NRXN3: variants seen among roughly 807,000 people sequenced by gnomAD.
NRXN3 encodes the protein neurexin III.
Under a neutral mutation model 137.6 loss-of-function variants are expected in NRXN3, and 32 were observed. That is an observed-to-expected ratio of 0.23 (90% confidence interval 0.18 to 0.31). The LOEUF is 0.31. Among genes scored for constraint, NRXN3 ranks in the 10% least tolerant of loss-of-function variants. The pLI, the probability that NRXN3 is intolerant of heterozygous loss-of-function variation, is 1.00. For missense variants in NRXN3, 1,574 were observed against 2,062.5 expected (o/e 0.76, Z 4.59); for synonymous variants, 798 against 784.5 (o/e 1.02, Z -0.29).
chr14:78,493,928 A>G (rs549743432), intron 4 of NRXN3, among the ~76,000 whole-genome samples: 46 of 152,320 alleles, frequency 3.0e-4, no homozygotes, highest in African/African-American at 9.6e-4. Flanking sequence ...ACACGCTGCA[A>G]TGATTTCTCA....
chr14:79,189,828 A>G (rs1403778641), intron 15 of NRXN3, among the ~76,000 whole-genome samples: 1 of 152,248 alleles, frequency 6.6e-6, no homozygotes, highest in Non-Finnish European at 1.5e-5. Context: ...CCTATTTCAC[A>G]GTAACAATAA....
chr14:78,815,427 C>T (rs557574707), intron 10 of NRXN3, among the ~76,000 whole-genome samples: 1 of 145,634 alleles, frequency 6.9e-6, no homozygotes, highest in East Asian at 2.1e-4. Flanking sequence ...CCCAAGACTA[C>T]TAGTGTTTGA....
At chr14:79,442,091 A>AG (rs1470377539) in intron 15 of NRXN3, among the ~76,000 whole-genome samples, 2 of 152,154 alleles carry the variant, frequency 1.3e-5, no homozygotes, top group Admixed American at 1.3e-4. Flanking sequence ...ATACTTCATT[A>AG]ATTATTTTTC....
chr14:78,394,364 G>T (rs2091177835), intron 4 of NRXN3, among the ~76,000 whole-genome samples: 1 of 151,884 alleles, frequency 6.6e-6, no homozygotes, highest in Non-Finnish European at 1.5e-5. Context: ...TGAAGAATGT[G>T]CTAGATTACA....
intron 10 of NRXN3, among the ~76,000 whole-genome samples, chr14:78,909,627 A>G (rs2099230848): frequency 1.3e-5 from 2 of 152,132 alleles, no homozygotes; most frequent in African/African-American, 4.8e-5. Flanking sequence ...TGTCTTAAAA[A>G]AATCTTTAAA....
At chr14:78,856,189 T>A (rs2099056622) in intron 10 of NRXN3, among the ~76,000 whole-genome samples, 1 of 152,224 alleles carries the variant, frequency 6.6e-6, no homozygotes, top group African/African-American at 2.4e-5. Flanking sequence ...AAAGTCATTT[T>A]TCCCCTTTGG....
intron 16 of NRXN3, among the ~76,000 whole-genome samples, chr14:79,657,098 C>A (rs1319119874): frequency 6.6e-6 from 1 of 151,882 alleles, no homozygotes; most frequent in Non-Finnish European, 1.5e-5. Context: ...TTTGTAGATA[C>A]CTTCAGAATT....
In NRXN3 at chr14:79,735,415, C is replaced by A. The variant is rs904741127; in HGVS notation, c.4014+37478C>A. On this transcript the variant is annotated intron_variant, in intron 19 of 20. Transcript: ENST00000335750. ...GCAAGTCATGGTTGAAGAGAAGCAT[C>A]CCTTGAAAAATTAGACTTAAAGCTG... 3.3e-5 allele frequency among the ~76,000 whole-genome samples: 5 copies of A among 152,078 alleles called. No individual in the cohort carries two copies. In the East Asian group the frequency reaches 9.6e-4, roughly 29 times the overall value.
rs186194196 is a variant in NRXN3, at chr14:79,701,654, C to T, written c.4014+3717C>T. On this transcript the variant is annotated intron_variant, in intron 19 of 20. Coordinates refer to ENST00000335750, the MANE Select transcript of NRXN3 (RefSeq NM_001330195.2). ...GTTTTATATAGCCTGGGCTGGGTAA[C>T]TGGCAGTGTCACTTGTACAATATGC... 8.5e-5 allele frequency among the ~76,000 whole-genome samples: 13 copies of T among 152,164 alleles called. No homozygotes were observed. The East Asian group carries it at 1.9e-3, about 23-fold the overall frequency.
At chr14:79,373,694 A>G (rs1472638152) in intron 15 of NRXN3, among the ~76,000 whole-genome samples, 1 of 152,234 alleles carries the variant, frequency 6.6e-6, no homozygotes, top group African/African-American at 2.4e-5. Context: ...ATAAATGCAC[A>G]TAATTACATG....
chr14:79,746,693 C>A (rs960812588), intron 19 of NRXN3, among the ~76,000 whole-genome samples: 3 of 152,124 alleles, frequency 2.0e-5, no homozygotes, highest in Non-Finnish European at 4.4e-5. Context: ...GAACAAAAGA[C>A]AGCTGGTAGC....
chr14:79,407,246 T>C (rs191283874), intron 15 of NRXN3, among the ~76,000 whole-genome samples: 2 of 152,254 alleles, frequency 1.3e-5, no homozygotes, highest in Admixed American at 1.3e-4. Context: ...TACTTTCATG[T>C]GTGTGTTTTC....
intron 1 of NRXN3, among the ~76,000 whole-genome samples, chr14:78,179,823 T>G (rs930027535): frequency 1.1e-3 from 31 of 27,950 alleles, no homozygotes; most frequent in African/African-American, 2.2e-3. Context: ...TTTTTTTTTT[T>G]GTTTGTTTCT....
chr14:78,880,171 C>T (rs1266650325), intron 10 of NRXN3, among the ~76,000 whole-genome samples: 17 of 130,864 alleles, frequency 1.3e-4, no homozygotes, highest in Admixed American at 1.7e-4. Flanking sequence ...ACCCGGGAGG[C>T]GGAGCTTGCA....
chr14:78,545,775 T>C (rs2096631499), intron 4 of NRXN3, among the ~76,000 whole-genome samples: 1 of 152,154 alleles, frequency 6.6e-6, no homozygotes, highest in Non-Finnish European at 1.5e-5. Flanking sequence ...TGTGCCACTT[T>C]GCAATCTCTT....
intron 15 of NRXN3, among the ~76,000 whole-genome samples, chr14:79,189,825 C>T (rs1338914981): frequency 2.0e-5 from 3 of 152,166 alleles, no homozygotes; most frequent in African/African-American, 7.2e-5. Context: ...TAACCTATTT[C>T]ACAGTAACAA....
At chr14:78,346,126 T>A (rs761689903) in intron 4 of NRXN3, among the ~76,000 whole-genome samples, 1 of 152,068 alleles carries the variant, frequency 6.6e-6, no homozygotes, top group Non-Finnish European at 1.5e-5. Flanking sequence ...GAAGCACGGG[T>A]GATGGGGAAA....
Position 78,243,700 on chromosome 14 carries a change from G to A in NRXN3, c.607G>A (p.Gly203Ser), listed in dbSNP as rs1186353326. Residue 203 changes from glycine (G) to serine (S), a missense_variant, in exon 2 of 21, where the codon GGT (glycine) becomes AGT (serine). This residue lies in a region of NRXN3 where 400 missense variants were observed against 527.3 expected (regional missense o/e 0.76). Coordinates refer to ENST00000335750, the MANE Select transcript of NRXN3 (RefSeq NM_001330195.2). The surrounding 1 kb of genome is among the most constrained non-coding windows in gnomAD (Gnocchi z 4.2). ...GVQMDAEGPC[G>S]ERPCENGGIC... ...CCAGATGGATGCCGAGGGACCCTGTGGTGAGCGTCCCTGTGAAAATGGTGG... is the reference window on the plus strand; with the variant it reads ...CCAGATGGATGCCGAGGGACCCTGTAGTGAGCGTCCCTGTGAAAATGGTGG... 3.8e-6 allele frequency: 6 copies of A among 1,598,378 alleles called. No homozygotes were observed. The South Asian group carries it at 4.4e-5, about 12-fold the overall frequency.
At chr14:79,462,861 A>ATGTATATGTATATGTACATACAC (rs1600667779) in intron 15 of NRXN3, among the ~76,000 whole-genome samples, 2 of 140,778 alleles carry the variant, frequency 1.4e-5, no homozygotes, top group Non-Finnish European at 3.0e-5. Context: ...ATACACAATG[A>ATGTATATGTATATGTACATACAC]ATGTATATGT....
Sources: gnomAD v4.1 joint callset for allele counts (sites outside exome capture counted in the v4.1 genomes callset) on GRCh38, gnomAD v4.1.1 for gene constraint, gnomAD v4.1.1 regional missense constraint, Gnocchi (gnomAD v3.1) non-coding constraint, MANE v1.5 for transcripts, NCBI Gene and HGNC (gene_info 2026-07-23, HGNC 2026-07-21) for gene names.